Variants in SHROOM3 observed in about 807,000 individuals in gnomAD.
SHROOM3 encodes the protein shroom family member 3, also known as protein Shroom3.
In SHROOM3, 47 loss-of-function variants were observed where a neutral mutation model predicts 138.6. The ratio of observed to expected loss-of-function variants is 0.34; its 90% CI spans 0.27 to 0.43. SHROOM3 has a LOEUF of 0.43. SHROOM3 is among the 20% of genes least tolerant of loss of function. SHROOM3 has a pLI of 1.00. For missense variants in SHROOM3, 2,491 were observed against 2,596.5 expected, an observed-to-expected ratio of 0.96 and a Z score of 0.88; for synonymous variants, 1,062 against 1,063.3, an observed-to-expected ratio of 1.00 and a Z score of 0.02.
chr4:76,561,838 C>T (rs990115981), intron 2 of SHROOM3, among the ~76,000 whole-genome samples: 2 of 151,884 alleles, frequency 1.3e-5, no homozygotes, highest in East Asian at 1.9e-4. Context: ...GGTGAAACCC[C>T]GTTTCTATTA....
At chr4:76,735,399 G>A (rs916811945) in intron 4 of SHROOM3, among the ~76,000 whole-genome samples, 3 of 152,066 alleles carry the variant, frequency 2.0e-5, no homozygotes, top group Non-Finnish European at 2.9e-5. Context: ...AACCCTCTCC[G>A]GGCAGGAGGG....
At chr4:76,743,540 T>C (rs1211494872) in intron 5 of SHROOM3, among the ~76,000 whole-genome samples, 13 of 152,350 alleles carry the variant, frequency 8.5e-5, no homozygotes, top group African/African-American at 2.9e-4. Context: ...GTCTGGCCTC[T>C]TCCTCAGCCA....
At chr4:76,689,844 C>A in intron 2 of SHROOM3, 1 of 795,998 alleles carries the variant, frequency 1.3e-6, no homozygotes, top group Non-Finnish European at 1.5e-6. Flanking sequence ...ACGGCCAGCA[C>A]CCCGGCTGAT....
intron 2 of SHROOM3, among the ~76,000 whole-genome samples, chr4:76,679,280 T>G (rs1039363481): frequency 1.3e-5 from 2 of 152,168 alleles, no homozygotes; most frequent in African/African-American, 4.8e-5. Context: ...CCCACTGCCC[T>G]CCAGGCACGC....
intron 5 of SHROOM3, chr4:76,742,156 A>G (rs1578010760): frequency 1.5e-5 from 7 of 468,488 alleles, no homozygotes; most frequent in South Asian, 1.3e-4. Context: ...CAGATTCTCT[A>G]TCTATCTGTC....
Position 76,555,648 on chromosome 4 carries a change from C to T in SHROOM3, c.208C>T (p.Leu70=). 1.9e-6 allele frequency: 3 copies of T among 1,614,068 alleles called. No homozygotes were observed. The highest frequency in any genetic ancestry group is 2.5e-6 in the Non-Finnish European group (3 of 1,180,012). Residue 70 remains leucine (L), a synonymous_variant, in exon 2 of 11, where the codon CTG becomes TTG. Coordinates refer to ENST00000296043, the MANE Select transcript of SHROOM3 (RefSeq NM_020859.4). ...CAAAGCAGACACCCTGAGCTCCAAACTGCAGGCTGGGGATGAGGTTGTGCA... is the reference window on the plus strand; with the variant it reads ...CAAAGCAGACACCCTGAGCTCCAAATTGCAGGCTGGGGATGAGGTTGTGCA... The part of the protein sequence containing the change: ...GGKADTLSSK[L]QAGDEVVHIN...
chr4:76,608,582 T>TTGG (rs1560563159), intron 2 of SHROOM3, among the ~76,000 whole-genome samples: 20 of 148,284 alleles, frequency 1.3e-4, no homozygotes, highest in African/African-American at 4.6e-4. Flanking sequence ...TAGCATAGCA[T>TTGG]AGCATAGCAT....
intron 9 of SHROOM3, among the ~76,000 whole-genome samples, chr4:76,770,044 C>G (rs1025586150): frequency 6.6e-6 from 1 of 152,000 alleles, no homozygotes; most frequent in South Asian, 2.1e-4. Flanking sequence ...AGTAATTGGC[C>G]AGGCACAGTG....
chr4:76,782,639 G>A lies in SHROOM3; in HGVS notation c.*3462G>A, dbSNP rs1335783943. 6.6e-6 allele frequency: 1 copy of A among 152,116 alleles called. No homozygotes were observed. The highest frequency in any genetic ancestry group is 1.5e-5 in the Non-Finnish European group (1 of 68,012). 9.4% of individuals were successfully genotyped at this position (152,116 alleles called of 1,614,324 possible). A position where few individuals can be genotyped will look rare whatever the true frequency, so the allele number is the denominator to read the frequency against. The stretch of plus-strand genomic sequence containing the variant: ...AGTTTAATTGTCCATGGTAGTGCTG[G>A]CTTCATTGTTAGGTTGGAGTTATTA... On this transcript the variant is annotated 3_prime_UTR_variant, in exon 11 of 11. Coordinates refer to ENST00000296043, the MANE Select transcript of SHROOM3 (RefSeq NM_020859.4).
In SHROOM3 at chr4:76,689,687, G is replaced by C. The variant is rs541382840; in HGVS notation, c.324-20469G>C. ...CGAGCAGCCCGGGGGCGGCGGCCGCGAGGCGAGCGGCGATGGTGAGTGAGG... is the reference window on the plus strand; with the variant it reads ...CGAGCAGCCCGGGGGCGGCGGCCGCCAGGCGAGCGGCGATGGTGAGTGAGG... On this transcript the variant is annotated intron_variant, in intron 2 of 10. Transcript: ENST00000296043. 1,304 of 985,380 alleles carry C rather than the reference G, an allele frequency of 1.3e-3. 3 individuals are homozygous for C. Among genetic ancestry groups the C allele is most frequent in the Non-Finnish European group, 1.5e-3 (1,278 of 830,014 alleles). 61.0% of individuals were successfully genotyped at this position (985,380 alleles called of 1,614,324 possible).
chr4:76,636,953 C>T (rs188028311), intron 2 of SHROOM3, among the ~76,000 whole-genome samples: 7 of 152,208 alleles, frequency 4.6e-5, no homozygotes, highest in South Asian at 2.1e-4. Flanking sequence ...GTTCTTTGGT[C>T]GTTATTTAGA....
chr4:76,663,461 AGGCTAGAATC>A (rs1239386893), intron 2 of SHROOM3, among the ~76,000 whole-genome samples: 2 of 152,188 alleles, frequency 1.3e-5, no homozygotes, highest in African/African-American at 4.8e-5. Flanking sequence ...TGCTAAGTCA[AGGCTAGAATC>A]CAGGTCTCCC....
In SHROOM3 at chr4:76,710,302, A is replaced by G. The variant is rs1227783007; in HGVS notation, c.455+15A>G. 1.9e-6 allele frequency: 3 copies of G among 1,613,082 alleles called. No individual in the cohort carries two copies. The African/African-American group carries it at 4.0e-5, about 22-fold the overall frequency. On this transcript the variant is annotated intron_variant, in intron 3 of 10. Transcript: ENST00000296043. ...CTGAAGCACAGGTAAGACGCACGGA[A>G]GTTGGTGCTGGCAGTTCGGAAAAAG...
chr4:76,470,341 C>G (rs1272873578), intron 1 of SHROOM3, among the ~76,000 whole-genome samples: 1 of 152,182 alleles, frequency 6.6e-6, no homozygotes, highest in African/African-American at 2.4e-5. Context: ...ATGTTATTCA[C>G]TCTACTCTGT....
At chr4:76,589,483 A>AAAAG (rs1734221190) in intron 2 of SHROOM3, among the ~76,000 whole-genome samples, 1 of 150,948 alleles carries the variant, frequency 6.6e-6, no homozygotes. Flanking sequence ...AAAAAAAAAA[A>AAAAG]GAAAAAAGAC....
chr4:76,456,029 A>T (rs1171868524), intron 1 of SHROOM3, among the ~76,000 whole-genome samples: 1 of 152,004 alleles, frequency 6.6e-6, no homozygotes, highest in Non-Finnish European at 1.5e-5. Flanking sequence ...TTTTTTTGAG[A>T]CAGAGTCTCA....
At chr4:76,772,683 C>T (rs1481760673) in intron 10 of SHROOM3, among the ~76,000 whole-genome samples, 2 of 152,140 alleles carry the variant, frequency 1.3e-5, no homozygotes, top group African/African-American at 2.4e-5. Context: ...TTCTTCCACT[C>T]GACAAACAGC....
rs182659915 is a variant in SHROOM3 at position 76,568,090 on chromosome 4, T to A, written c.323+12327T>A. On this transcript the variant is annotated intron_variant, in intron 2 of 10. Coordinates refer to ENST00000296043, the MANE Select transcript of SHROOM3 (RefSeq NM_020859.4). ...TCTCTCTGTCACACATACTAGAATA[T>A]AAGTTCTTCGATGGCAGGGATTTTG... Among the ~76,000 whole-genome samples the A allele has an allele frequency of 1.1e-4, 16 of 152,242 alleles. No individual in the cohort carries two copies. In the East Asian group the frequency reaches 3.1e-3, roughly 29 times the overall value.
intron 1 of SHROOM3, among the ~76,000 whole-genome samples, chr4:76,441,092 T>TTTTTTTG (rs1553913351): frequency 7.6e-6 from 1 of 131,644 alleles, no homozygotes; most frequent in East Asian, 2.2e-4. Context: ...ATTTGTTTTT[T>TTTTTTTG]TTTTTTTTTT....
Sources: allele counts gnomAD v4.1 joint callset (sites outside exome capture counted in the v4.1 genomes callset), GRCh38; gene constraint gnomAD v4.1.1; transcripts MANE v1.5; gene names NCBI Gene and HGNC (gene_info 2026-07-23, HGNC 2026-07-21).